PCBP3: variants seen among roughly 807,000 people sequenced by gnomAD.
PCBP3 encodes the protein poly(rC) binding protein 3.
Under a neutral mutation model 52.7 loss-of-function variants are expected in PCBP3, and 25 were observed. That is an observed-to-expected ratio of 0.47 (90% CI 0.35 to 0.66). The LOEUF is 0.66. PCBP3 is among the 30% of genes least tolerant of loss of function. PCBP3 has a pLI of 0.01. For synonymous variants in PCBP3, 162 were observed against 183.0 expected (o/e 0.89, Z 0.93); for missense variants, 391 against 490.3 (o/e 0.80, Z 1.91).
chr21:45,878,501 C>G (rs1287978481), intron 5 of PCBP3, among the ~76,000 whole-genome samples: 1 of 152,232 alleles, frequency 6.6e-6, no homozygotes, highest in Non-Finnish European at 1.5e-5. Context: ...ACGTCTGGGT[C>G]TGACCACAGA....
intron 4 of PCBP3, among the ~76,000 whole-genome samples, chr21:45,779,492 C>T (rs959078386): frequency 2.6e-5 from 4 of 152,196 alleles, no homozygotes; most frequent in African/African-American, 9.7e-5. Flanking sequence ...AATTCACATT[C>T]TCTCTTGGGT....
intron 5 of PCBP3, among the ~76,000 whole-genome samples, chr21:45,866,712 G>A (rs572363512): frequency 2.6e-5 from 4 of 152,250 alleles, no homozygotes; most frequent in South Asian, 2.1e-4. Flanking sequence ...ATGCACACGA[G>A]CGTGAAGCCT....
At chr21:45,927,115 G>T (rs2075515052) in intron 13 of PCBP3, among the ~76,000 whole-genome samples, 1 of 151,942 alleles carries the variant, frequency 6.6e-6, no homozygotes, top group Non-Finnish European at 1.5e-5. Flanking sequence ...TAGTTGTATG[G>T]GTGCATTCAT....
At chr21:45,757,061 G>T (rs2146471411) in intron 4 of PCBP3, among the ~76,000 whole-genome samples, 1 of 152,342 alleles carries the variant, frequency 6.6e-6, no homozygotes, top group East Asian at 1.9e-4. Context: ...TAGAAGTGTA[G>T]TGTCATATCT....
intron 5 of PCBP3, among the ~76,000 whole-genome samples, chr21:45,886,772 C>A (rs1047048832): frequency 2.0e-5 from 3 of 152,198 alleles, no homozygotes; most frequent in African/African-American, 7.2e-5. Context: ...ACTGACCCCG[C>A]ATTGCCTCCA....
chr21:45,714,289 T>G (rs1433291869), intron 2 of PCBP3, among the ~76,000 whole-genome samples: 1 of 152,232 alleles, frequency 6.6e-6, no homozygotes, highest in African/African-American at 2.4e-5. Context: ...TAATAAGCAT[T>G]TGAGACTGAA....
At chr21:45,893,823 G>A (rs1046199399) in intron 5 of PCBP3, 10 of 985,320 alleles carry the variant, frequency 1.0e-5, no homozygotes, top group South Asian at 4.7e-5. Flanking sequence ...TCTGAGAAAC[G>A]GCCAGTCCCA....
In PCBP3 at chr21:45,903,008, C is replaced by T. The variant is rs572803473; in HGVS notation, c.339+1895C>T. On this transcript the variant is annotated intron_variant, in intron 9 of 17. Coordinates refer to ENST00000681687, the MANE Select transcript of PCBP3 (RefSeq NM_001384156.1). ...TCACAGGTGGCCTCGTTTTGGAACT[C>T]GAGTTTGAGTCAGAATTTCCAGCTG... 7.2e-5 allele frequency among the ~76,000 whole-genome samples: 11 copies of T among 152,292 alleles called. No individual in the cohort carries two copies. In the East Asian group the frequency reaches 1.7e-3, roughly 24 times the overall value.
rs147393867 is a variant in PCBP3, at chr21:45,799,639, T to A, written c.-126+44187T>A. Reference sequence around the variant, plus strand: ...AGATCTTCTGCAAGACTTTGGCAGATGATGCTGTGACCCCGGTGTCACAGG... The same window carrying A: ...AGATCTTCTGCAAGACTTTGGCAGAAGATGCTGTGACCCCGGTGTCACAGG... On this transcript the variant is annotated intron_variant, in intron 4 of 17. Transcript: ENST00000681687. 6.6e-3 allele frequency among the ~76,000 whole-genome samples: 1,008 copies of A among 152,074 alleles called. 5 individuals are homozygous for A. Among genetic ancestry groups the A allele is most frequent in the Middle Eastern group, 0.01 (3 of 294 alleles).
chr21:45,795,018 A>G (rs910503806), intron 4 of PCBP3, among the ~76,000 whole-genome samples: 8 of 152,184 alleles, frequency 5.3e-5, no homozygotes, highest in Non-Finnish European at 8.8e-5. Context: ...ACCAGCAACG[A>G]CATTTTCGTG....
Position 45,852,485 on chromosome 21 carries a change from A to G in PCBP3, c.10+2390A>G, listed in dbSNP as rs56321172. Among the ~76,000 whole-genome samples, 16 of 103,648 alleles carry G rather than the reference A, an allele frequency of 1.5e-4. 1 individual carries two copies. Among genetic ancestry groups the G allele is most frequent in the African/African-American group, 2.2e-4 (6 of 27,682 alleles). The allele number at this position is 103,648 out of a possible 152,430, so 68.0% of individuals were successfully genotyped here. On this transcript the variant is annotated intron_variant, in intron 5 of 17. Coordinates refer to ENST00000681687, the MANE Select transcript of PCBP3 (RefSeq NM_001384156.1). ...CCTGTAGCCACCCTGACTTTTGTTC[A>G]GAAGGAACACAGCCCTGTAGCCACC... is the stretch of plus-strand genomic sequence containing the variant.
intron 4 of PCBP3, among the ~76,000 whole-genome samples, chr21:45,776,133 C>G (rs943499796): frequency 2.0e-5 from 3 of 151,944 alleles, no homozygotes; most frequent in African/African-American, 7.3e-5. Flanking sequence ...TTCCAAAGTT[C>G]CTGTTGGTAT....
At chr21:45,650,459 C>T (rs2146812286) in intron 1 of PCBP3, among the ~76,000 whole-genome samples, 2 of 151,910 alleles carry the variant, frequency 1.3e-5, no homozygotes, top group East Asian at 3.9e-4. Context: ...TAATTTCTTT[C>T]TTTTTTTTAG....
chr21:45,852,263 G>A (rs1247301811), intron 5 of PCBP3, among the ~76,000 whole-genome samples: 1 of 152,298 alleles, frequency 6.6e-6, no homozygotes, highest in Non-Finnish European at 1.5e-5. Context: ...AAAAGCTGAC[G>A]GCTTCGAAGG....
chr21:45,866,031 C>T (rs1411783927), intron 5 of PCBP3, among the ~76,000 whole-genome samples: 1 of 152,228 alleles, frequency 6.6e-6, no homozygotes, highest in Non-Finnish European at 1.5e-5. Context: ...GCACTCCAGC[C>T]AGCAGAATAG....
At chr21:45,661,908 T>C (rs562098698) in intron 1 of PCBP3, among the ~76,000 whole-genome samples, 1 of 152,348 alleles carries the variant, frequency 6.6e-6, no homozygotes, top group East Asian at 1.9e-4. Context: ...GTTGAGCACT[T>C]TTTCAAATGT....
rs532727552 is a variant in PCBP3, at chr21:45,788,767, A to T, written c.-126+33315A>T. The T allele has an allele frequency of 1.3e-5, 2 of 152,300 alleles. No individual in the cohort carries two copies. The highest frequency in any genetic ancestry group is 4.1e-4 in the South Asian group (2 of 4,832). The allele number at this position is 152,300 out of a possible 1,614,324, so 9.4% of individuals were successfully genotyped here. A position where few individuals can be genotyped will look rare whatever the true frequency, so the allele number is the denominator to read the frequency against. ...AATTTGTAGTGGAATGAGAAAAAAAAGTTGTATTTCTTAAACAACATGATC... is the reference window on the plus strand; with the variant it reads ...AATTTGTAGTGGAATGAGAAAAAAATGTTGTATTTCTTAAACAACATGATC... On this transcript the variant is annotated intron_variant, in intron 4 of 17. Coordinates refer to ENST00000681687, the MANE Select transcript of PCBP3 (RefSeq NM_001384156.1). The surrounding 1 kb of genome is among the most constrained non-coding windows in gnomAD (Gnocchi z 4.3).
intron 2 of PCBP3, among the ~76,000 whole-genome samples, chr21:45,728,161 T>C (rs901994629): frequency 6.6e-6 from 1 of 152,192 alleles, no homozygotes; most frequent in Non-Finnish European, 1.5e-5. Flanking sequence ...CGGTCTAACT[T>C]TGTTCCTGAA....
intron 2 of PCBP3, among the ~76,000 whole-genome samples, chr21:45,690,829 A>G (rs773618600): frequency 6.6e-6 from 1 of 152,174 alleles, no homozygotes; most frequent in Non-Finnish European, 1.5e-5. Flanking sequence ...ACCGGTATAC[A>G]TCTAATAGAA....
Sources: allele counts gnomAD v4.1 joint callset (sites outside exome capture counted in the v4.1 genomes callset), GRCh38; gene constraint gnomAD v4.1.1; non-coding constraint Gnocchi (gnomAD v3.1); transcripts MANE v1.5; gene names NCBI Gene and HGNC (gene_info 2026-07-23, HGNC 2026-07-21).